Variants in PPP2R5C observed in about 807,000 individuals in gnomAD.
The protein encoded by PPP2R5C is serine/threonine-protein phosphatase 2A 56 kDa regulatory subunit gamma isoform.
A neutral mutation model predicts 68.9 loss-of-function variants in PPP2R5C; 7 were observed. The ratio of observed to expected loss-of-function variants is 0.10; its 90% CI spans 0.06 to 0.19. The LOEUF (loss-of-function observed/expected upper bound fraction) is 0.19. Among genes scored for constraint, PPP2R5C ranks in the 10% least tolerant of loss-of-function variants. The pLI, the probability that PPP2R5C is intolerant of heterozygous loss-of-function variation, is 1.00. For synonymous variants in PPP2R5C, 210 were observed against 222.2 expected, an observed-to-expected ratio of 0.95 and a Z score of 0.49; for missense variants, 348 against 641.3, an observed-to-expected ratio of 0.54 and a Z score of 4.94.
chr14:101,819,172 GGTT>G (rs2039896627), intron 1 of PPP2R5C: 1 of 1,285,316 alleles, frequency 7.8e-7, no homozygotes, highest in Admixed American at 2.1e-5. Context: ...TGTCGGTTTT[GGTT>G]TTTTTCCCAG....
chr14:101,889,775 A>G, intron 5 of PPP2R5C: 1 of 350,204 alleles, frequency 2.9e-6, no homozygotes, highest in Non-Finnish European at 5.5e-6. Flanking sequence ...TACCCTTTGC[A>G]GGAACTGTGC....
chr14:101,856,709 A>C, exon 2 of PPP2R5C: 1 of 1,614,114 alleles, frequency 6.2e-7, no homozygotes, highest in Non-Finnish European at 8.5e-7. Context: ...TGATCAAGAG[A>C]AGCTTTTTAT....
rs1425198716 is a variant in PPP2R5C, at chr14:101,761,934, C to G, written c.27+14C>G. 14 of 1,190,000 alleles carry G rather than the reference C, an allele frequency of 1.2e-5. No homozygotes were observed. The highest frequency in any genetic ancestry group is 1.5e-5 in the Non-Finnish European group (14 of 951,818). 73.7% of individuals were successfully genotyped at this position (1,190,000 alleles called of 1,614,324 possible). On this transcript the variant is annotated intron_variant, in intron 1 of 14. Coordinates refer to the PPP2R5C transcript ENST00000328724. ...AAGAAGGAGAAAGTGAGTCCGGGCCCGGCCGCGGGACGGAGGGAGCAGGGA... is the reference window on the plus strand; with the variant it reads ...AAGAAGGAGAAAGTGAGTCCGGGCCGGGCCGCGGGACGGAGGGAGCAGGGA...
At chr14:101,862,519 C>T (rs911756897) in intron 2 of PPP2R5C, among the ~76,000 whole-genome samples, 2 of 152,162 alleles carry the variant, frequency 1.3e-5, no homozygotes, top group African/African-American at 4.8e-5. Context: ...TGCAGGAGCT[C>T]ACCCCTAATA....
chr14:101,832,737 C>T (rs2040822968), intron 1 of PPP2R5C, among the ~76,000 whole-genome samples: 1 of 152,202 alleles, frequency 6.6e-6, no homozygotes, highest in Non-Finnish European at 1.5e-5. Context: ...GGTCCAGACT[C>T]CAGCAGCGTG....
chr14:101,910,733 C>T (rs2046335622), intron 11 of PPP2R5C, among the ~76,000 whole-genome samples: 1 of 151,554 alleles, frequency 6.6e-6, no homozygotes, highest in South Asian at 2.1e-4. Context: ...TTTGGGAGGC[C>T]GATGCAGGCA....
intron 1 of PPP2R5C, among the ~76,000 whole-genome samples, chr14:101,762,295 G>C (rs1279739177): frequency 2.6e-5 from 4 of 152,114 alleles, no homozygotes; most frequent in Non-Finnish European, 5.9e-5. Context: ...TCGCAGCCTC[G>C]CAGGCTCCCG....
rs575089233 is a variant in PPP2R5C, at chr14:101,796,178, A to G, written c.259+9995A>G. 7.2e-5 allele frequency among the ~76,000 whole-genome samples: 11 copies of G among 152,320 alleles called. No individual in the cohort carries two copies. In the South Asian group the frequency reaches 2.3e-3, roughly 32 times the overall value. On this transcript the variant is annotated intron_variant, in intron 3 of 14. Transcript: ENST00000328724. ...CATAAAAGTAGAGGTTTAACTGCCT[A>G]CAAATGAATTATGCATATATTTACA...
chr14:101,881,726 G>C (rs543849050), intron 2 of PPP2R5C, among the ~76,000 whole-genome samples: 5 of 152,334 alleles, frequency 3.3e-5, no homozygotes, highest in African/African-American at 9.6e-5. Context: ...TCCTCCCTGC[G>C]TGACGCAGCC....
At chr14:101,873,315 G>C (rs566959938) in intron 2 of PPP2R5C, among the ~76,000 whole-genome samples, 7 of 152,110 alleles carry the variant, frequency 4.6e-5, no homozygotes, top group Non-Finnish European at 8.8e-5. Flanking sequence ...TTGGATGTCT[G>C]ACATTGTGAA....
chr14:101,818,772 T>C, intron 1 of PPP2R5C: 1 of 427,514 alleles, frequency 2.3e-6, no homozygotes, highest in East Asian at 3.5e-5. Flanking sequence ...GTCCCAACTA[T>C]AACCTTATAT....
chr14:101,786,444 A>G (rs2038092206), intron 3 of PPP2R5C, among the ~76,000 whole-genome samples: 1 of 152,146 alleles, frequency 6.6e-6, no homozygotes, highest in African/African-American at 2.4e-5. Context: ...GAAAAGCTGA[A>G]CATCTTTTTA....
chr14:101,858,785 G>C (rs2042587047), intron 2 of PPP2R5C, among the ~76,000 whole-genome samples: 1 of 152,132 alleles, frequency 6.6e-6, no homozygotes, highest in South Asian at 2.1e-4. Flanking sequence ...TAAGAGGGAA[G>C]AATCTACAAA....
In PPP2R5C at chr14:101,816,929, TATATATA is replaced by T. The variant is rs2039748958; in HGVS notation, c.94+6899_94+6905del. Among the ~76,000 whole-genome samples the T allele has an allele frequency of 2.1e-5, 3 of 141,944 alleles. No individual in the cohort carries two copies. The South Asian group carries it at 6.3e-4, about 30-fold the overall frequency. The allele number at this position is 141,944 out of a possible 152,430, so 93.1% of individuals were successfully genotyped here. ...ATATATAATATATATATTTATATAA[TATATATA>T]ATATAAAAATATTATATATGTATAT... On this transcript the variant is annotated intron_variant, in intron 1 of 13. Coordinates refer to ENST00000334743, the Ensembl canonical transcript of PPP2R5C.
In PPP2R5C at chr14:101,842,787, A is replaced by G. The variant is rs536715491; in HGVS notation, c.95-13899A>G. 2.1e-5 allele frequency among the ~76,000 whole-genome samples: 3 copies of G among 143,922 alleles called. No homozygotes were observed. The South Asian group carries it at 6.5e-4, about 31-fold the overall frequency. 94.4% of individuals were successfully genotyped at this position (143,922 alleles called of 152,430 possible). ...TTTTTTTTTTTTACTTTATTAAAAT[A>G]CTGAGTTTTATTTCGCATGTATTTT... On this transcript the variant is annotated intron_variant, in intron 1 of 13. Transcript: ENST00000334743.
chr14:101,912,921 C>G (rs1440509215), intron 12 of PPP2R5C, among the ~76,000 whole-genome samples: 1 of 152,162 alleles, frequency 6.6e-6, no homozygotes, highest in African/African-American at 2.4e-5. Flanking sequence ...TTCTGTAAGC[C>G]CAGCCTTTTA....
chr14:101,903,130 C>T lies in PPP2R5C; in HGVS notation c.1023+1241C>T, dbSNP rs574500682. Among the ~76,000 whole-genome samples, 28 of 151,534 alleles carry T rather than the reference C, an allele frequency of 1.8e-4. 1 individual carries two copies. In the South Asian group the frequency reaches 5.8e-3, roughly 32 times the overall value. ...ATGGTTTCCTAGAAACTGTAGAGAC[C>T]AGCGCCACGGAGCCCTGGCTGAAGT... On this transcript the variant is annotated intron_variant, in intron 9 of 13. Coordinates refer to ENST00000334743, the Ensembl canonical transcript of PPP2R5C.
At chr14:101,811,736 A>G (rs1470285127) in intron 1 of PPP2R5C, among the ~76,000 whole-genome samples, 1 of 152,242 alleles carries the variant, frequency 6.6e-6, no homozygotes, top group Non-Finnish European at 1.5e-5. Flanking sequence ...CCACTTATAA[A>G]TAACATAAAT....
intron 3 of PPP2R5C, among the ~76,000 whole-genome samples, chr14:101,803,517 G>A (rs1023042714): frequency 3.9e-5 from 6 of 152,078 alleles, no homozygotes; most frequent in Admixed American, 1.3e-4. Context: ...GAGGTCAGGC[G>A]ATTGAGACCA....
Sources: gnomAD v4.1 joint callset for allele counts (sites outside exome capture counted in the v4.1 genomes callset) on GRCh38, gnomAD v4.1.1 for gene constraint, MANE v1.5 for transcripts, NCBI Gene and HGNC (gene_info 2026-07-23, HGNC 2026-07-21) for gene names.